The following PCDHGA1 variants were observed in gnomAD, a reference collection of about 807,000 sequenced individuals.
The protein encoded by PCDHGA1 is protocadherin gamma subfamily A, 1.
In PCDHGA1, 32 loss-of-function variants were observed where a neutral mutation model predicts 58.0. The ratio of observed to expected loss-of-function variants is 0.55; its 90% CI spans 0.42 to 0.74. The LOEUF is 0.74. Ranked by LOEUF, PCDHGA1 falls within the 30% of genes least tolerant of loss-of-function variation. PCDHGA1 has a pLI of 0.00. For missense variants in PCDHGA1, 1,205 were observed against 1,182.3 expected, an observed-to-expected ratio of 1.02 and a Z score of -0.28; for synonymous variants, 498 against 501.1, an observed-to-expected ratio of 0.99 and a Z score of 0.08.
At chr5:141,503,607 A>G (rs141670522) in intron 2 of PCDHGA1, among the ~76,000 whole-genome samples, 63 of 151,996 alleles carry the variant, frequency 4.1e-4, no homozygotes, top group African/African-American at 1.4e-3. Flanking sequence ...TCAAAAAAAA[A>G]AAAAAAAGAA....
intron 1 of PCDHGA1, chr5:141,375,781 C>T (rs1381620623): frequency 6.2e-7 from 1 of 1,614,252 alleles, no homozygotes; most frequent in South Asian, 1.1e-5. Flanking sequence ...TGTACCCCGC[C>T]CTCCCCACAG....
rs17097211 is a variant in PCDHGA1 at position 141,423,498 on chromosome 5, G to A, written c.2422-71309G>A. 9.4e-4 allele frequency: 1,510 copies of A among 1,613,948 alleles called. 9 individuals are homozygous for A. In the African/African-American group the frequency reaches 0.016, roughly 17 times the overall value. ...CTTTCCTGCAAACCTATTCCCACGA[G>A]GTCTCTCTCATTGCGGACTCGCAGA... On this transcript the variant is annotated intron_variant, in intron 1 of 3. Transcript: ENST00000517417.
At chr5:141,350,222 AC>A in intron 1 of PCDHGA1, 2 of 1,494,422 alleles carry the variant, frequency 1.3e-6, no homozygotes, top group Non-Finnish European at 1.8e-6. Flanking sequence ...TTTTTGAAAA[AC>A]ATCCCAGAGG....
At chr5:141,404,238 C>T (rs764561008) in intron 1 of PCDHGA1, 3 of 1,613,712 alleles carry the variant, frequency 1.9e-6, no homozygotes, top group Non-Finnish European at 2.5e-6. Context: ...GACAGAGGAA[C>T]TCCGCCCCTG....
At chr5:141,360,654 T>A (rs764068570) in intron 1 of PCDHGA1, 3 of 1,614,006 alleles carry the variant, frequency 1.9e-6, no homozygotes, top group Non-Finnish European at 2.5e-6. Flanking sequence ...ACCACCTTAA[T>A]GACAACGAGT....
Position 141,331,910 on chromosome 5 carries a change from C to T in PCDHGA1, c.1226C>T (p.Thr409Ile), listed in dbSNP as rs1756381154. The stretch of plus-strand genomic sequence containing the variant: ...TATTACCGTTTAGTGACTGAAAGAA[C>T]ACTGGACAGAGAACTTATCTCTGGG... ...DNYYRLVTER[T>I]LDRELISGYN... Residue 409 changes from threonine to isoleucine, a missense_variant, in exon 1 of 4, where the codon ACA becomes ATA. By Grantham distance (89) the Thr-to-Ile change is moderately conservative. Coordinates refer to ENST00000517417, the MANE Select transcript of PCDHGA1 (RefSeq NM_018912.3). 2 of 1,614,152 alleles carry T rather than the reference C, an allele frequency of 1.2e-6. No homozygotes were observed. Among genetic ancestry groups the T allele is most frequent in the South Asian group, 1.1e-5 (1 of 91,072 alleles).
chr5:141,365,483 T>G, intron 1 of PCDHGA1: 1 of 1,614,018 alleles, frequency 6.2e-7, no homozygotes, highest in Non-Finnish European at 8.5e-7. Context: ...GATTGCATGC[T>G]CTATTCCTAG....
chr5:141,415,529 G>C, intron 1 of PCDHGA1: 1 of 1,614,184 alleles, frequency 6.2e-7, no homozygotes, highest in South Asian at 1.1e-5. Context: ...ACGCTCATCA[G>C]CCAGGAGAGC....
At chr5:141,341,724 A>T in intron 1 of PCDHGA1, 1 of 441,062 alleles carries the variant, frequency 2.3e-6, no homozygotes, top group Non-Finnish European at 4.0e-6. Flanking sequence ...CAGATCAACA[A>T]TTTTTTCTTT....
In PCDHGA1 at chr5:141,511,098, T is replaced by G; in HGVS notation, c.2721T>G (p.Ala907=). 6.2e-7 allele frequency: 1 copy of G among 1,614,132 alleles called. No individual in the cohort carries two copies. The highest frequency in any genetic ancestry group is 8.5e-7 in the Non-Finnish European group (1 of 1,179,996). ...PGSNATLTNA[A]GKRDGKAPAG... is the part of the protein sequence containing the mutation. The stretch of plus-strand genomic sequence containing the variant: ...GCAATGCCACACTGACCAACGCAGC[T>G]GGCAAGCGGGATGGCAAGGCCCCAG... Residue 907 remains alanine, a synonymous_variant, in exon 4 of 4, where the codon GCT becomes GCG. Transcript: ENST00000517417.
Position 141,403,685 on chromosome 5 carries a change from C to G in PCDHGA1, c.2421+70580C>G, listed in dbSNP as rs778849334. On this transcript the variant is annotated intron_variant, in intron 1 of 3. Coordinates refer to ENST00000517417, the MANE Select transcript of PCDHGA1 (RefSeq NM_018912.3). ...TGATAATGCCCCGGTTTTTGCTCAA[C>G]GGATTTACCGAGTTAAAGTCCTTGA... 8 of 1,613,704 alleles carry G rather than the reference C, an allele frequency of 5.0e-6. No homozygotes were observed. In the Admixed American group the frequency reaches 1.0e-4, roughly 20 times the overall value.
At chr5:141,422,724 G>T (rs560544401) in intron 1 of PCDHGA1, 3 of 1,606,016 alleles carry the variant, frequency 1.9e-6, no homozygotes, top group Admixed American at 3.3e-5. Context: ...CTGTCCAGGG[G>T]GTGCCTCTGT....
At chr5:141,459,763 G>A (rs1243169814) in intron 1 of PCDHGA1, among the ~76,000 whole-genome samples, 1 of 152,206 alleles carries the variant, frequency 6.6e-6, no homozygotes, top group South Asian at 2.1e-4. Context: ...GTGGGTGTGT[G>A]ATACTATCTC....
intron 1 of PCDHGA1, chr5:141,341,461 T>C (rs748762005): frequency 6.2e-7 from 1 of 1,601,226 alleles, no homozygotes; most frequent in South Asian, 1.1e-5. Flanking sequence ...ACTTGTTTAC[T>C]ATATCTATTT....
intron 1 of PCDHGA1, chr5:141,421,895 G>T: frequency 2.5e-6 from 4 of 1,613,730 alleles, no homozygotes; most frequent in Non-Finnish European, 3.4e-6. Context: ...GATCCCATCC[G>T]AAAGGGCGCA....
intron 1 of PCDHGA1, chr5:141,398,812 C>T (rs1255452758): frequency 1.9e-6 from 3 of 1,613,824 alleles, no homozygotes; most frequent in Admixed American, 3.3e-5. Context: ...CACTGAGCTC[C>T]GGATCCAGGT....
chr5:141,330,904 C>G lies in PCDHGA1; in HGVS notation c.220C>G (p.Leu74Val). The G allele has an allele frequency of 1.2e-6, 2 of 1,614,246 alleles. No homozygotes were observed. Among genetic ancestry groups the G allele is most frequent in the Non-Finnish European group, 1.7e-6 (2 of 1,180,038 alleles). Residue 74 changes from leucine (L) to valine (V), a missense_variant, in exon 1 of 4, where the codon CTT becomes GTT. Physicochemically the swap from Leu to Val is conservative, Grantham distance 32. Transcript: ENST00000517417. Reference sequence around the variant, plus strand: ...CATCGTCTCCAGAGGTAGGATGCCGCTTTTCGCTCTGAATCCTAGAAGTGG... The same window carrying G: ...CATCGTCTCCAGAGGTAGGATGCCGGTTTTCGCTCTGAATCCTAGAAGTGG... ...VRIVSRGRMP[L>V]FALNPRSGSL... is the part of the protein sequence containing the mutation.
intron 1 of PCDHGA1, among the ~76,000 whole-genome samples, chr5:141,438,613 TATATATATATATATATATATATACAC>T (rs1192023297): frequency 0.026 from 946 of 36,486 alleles, 27 homozygotes; most frequent in African/African-American, 0.12. Flanking sequence ...TATATATATA[TATATATATATATATATATATATACAC>T]ACACACACAC....
chr5:141,426,848 C>A (rs1379697529), intron 1 of PCDHGA1: 1 of 456,670 alleles, frequency 2.2e-6, no homozygotes, highest in Non-Finnish European at 4.4e-6. Context: ...AAGGCAAGAA[C>A]GCTCCAGAAT....
Sources: gnomAD v4.1 joint callset for allele counts (sites outside exome capture counted in the v4.1 genomes callset) on GRCh38, gnomAD v4.1.1 for gene constraint, MANE v1.5 for transcripts, NCBI Gene and HGNC (gene_info 2026-07-23, HGNC 2026-07-21) for gene names.